Variants in PAQR5 observed in about 807,000 individuals in gnomAD.
PAQR5 encodes the protein progestin and adipoQ receptor family member 5.
A neutral mutation model predicts 34.5 loss-of-function variants in PAQR5; 20 were observed. The observed-to-expected ratio is 0.58, with a 90% CI of 0.41 to 0.84. The LOEUF is 0.84. Among genes scored for constraint, PAQR5 ranks in the 40% least tolerant of loss-of-function variants. The pLI is 0.00. For missense variants in PAQR5, 378 were observed against 412.7 expected (o/e 0.92, Z 0.73); for synonymous variants, 131 against 155.6 (o/e 0.84, Z 1.18).
intron 1 of PAQR5, among the ~76,000 whole-genome samples, chr15:69,314,228 G>A (rs1362488603): frequency 6.6e-6 from 1 of 151,974 alleles, no homozygotes; most frequent in Non-Finnish European, 1.5e-5. Flanking sequence ...AGGAAATTGT[G>A]TGCAGGAGGA....
At chr15:69,372,963 C>T (rs2055604121) in intron 3 of PAQR5, among the ~76,000 whole-genome samples, 1 of 152,166 alleles carries the variant, frequency 6.6e-6, no homozygotes, top group African/African-American at 2.4e-5. Flanking sequence ...ACATGGGTCT[C>T]ACTGGGTAAA....
intron 4 of PAQR5, 26 bp from the exon 5 acceptor site, chr15:69,384,651 G>C: frequency 1.3e-6 from 2 of 1,561,388 alleles, no homozygotes; most frequent in African/African-American, 1.4e-5. Flanking sequence ...TCATGGTGGA[G>C]GGTGAGTGAG....
chr15:69,356,769 A>C (rs2055089377), intron 2 of PAQR5, among the ~76,000 whole-genome samples: 1 of 152,222 alleles, frequency 6.6e-6, no homozygotes, highest in Non-Finnish European at 1.5e-5. Context: ...CACTTCACTT[A>C]GCTTAAGGTC....
intron 2 of PAQR5, among the ~76,000 whole-genome samples, chr15:69,356,363 A>AT (rs1296553855): frequency 1.4e-4 from 22 of 152,130 alleles, no homozygotes; most frequent in Non-Finnish European, 2.5e-4. Flanking sequence ...TCAGTACTGT[A>AT]TTTTTTGCAA....
chr15:69,393,487 A>G (rs892763755), intron 6 of PAQR5, among the ~76,000 whole-genome samples: 7 of 145,868 alleles, frequency 4.8e-5, no homozygotes, highest in African/African-American at 1.8e-4. Flanking sequence ...GTCTTCAATG[A>G]GGGCATCTGA....
At chr15:69,301,002 T>C (rs541525622) in intron 1 of PAQR5, among the ~76,000 whole-genome samples, 8 of 127,504 alleles carry the variant, frequency 6.3e-5, no homozygotes, top group African/African-American at 2.4e-4. Context: ...TTTCTTTCTT[T>C]CTTTCTTTCT....
chr15:69,355,322 TTCTTTCTTTCTTTC>T, intron 2 of PAQR5, among the ~76,000 whole-genome samples: 1 of 45,882 alleles, frequency 2.2e-5, no homozygotes, highest in African/African-American at 1.2e-4. Flanking sequence ...CTTTCTTTCT[TTCTTTCTTTCTTTC>T]TTTCTTTTTT....
intron 1 of PAQR5, among the ~76,000 whole-genome samples, chr15:69,302,407 C>A (rs1472608810): frequency 6.7e-6 from 1 of 150,108 alleles, no homozygotes; most frequent in Non-Finnish European, 1.5e-5. Context: ...CTCCCTCCCT[C>A]CCCATGTAAG....
intron 2 of PAQR5, among the ~76,000 whole-genome samples, chr15:69,344,441 C>T (rs988700823): frequency 6.6e-6 from 1 of 152,170 alleles, no homozygotes; most frequent in African/African-American, 2.4e-5. Context: ...TTAAAAATAA[C>T]CTCAACTGAA....
chr15:69,399,240 TG>T (rs1208854536), intron 7 of PAQR5, among the ~76,000 whole-genome samples: 1 of 152,188 alleles, frequency 6.6e-6, no homozygotes, highest in Admixed American at 6.5e-5. Flanking sequence ...AGTTCCAGTG[TG>T]AATCCACTAA....
chr15:69,357,671 T>C (rs1021199506), intron 2 of PAQR5, among the ~76,000 whole-genome samples: 1 of 152,244 alleles, frequency 6.6e-6, no homozygotes, highest in African/African-American at 2.4e-5. Flanking sequence ...GTATTGTGAA[T>C]AATGCTTCTA....
At chr15:69,323,995 C>T (rs2054188692) in intron 1 of PAQR5, among the ~76,000 whole-genome samples, 1 of 152,182 alleles carries the variant, frequency 6.6e-6, no homozygotes. Flanking sequence ...GTAAGTTACC[C>T]ACCAGTTCTG....
In PAQR5 at chr15:69,349,640, A is replaced by ATT. The variant is rs61085048; in HGVS notation, c.-115-10316_-115-10315dup. 2.9e-4 allele frequency among the ~76,000 whole-genome samples: 43 copies of ATT among 147,340 alleles called. No homozygotes were observed. In the South Asian group the frequency reaches 7.0e-3, roughly 24 times the overall value. ...GTTCGATCTCCCTTAGTTTATTTTT[A>ATT]TTTTTTTTTTTATTTTTTGAGACGG... On this transcript the variant is annotated intron_variant, in intron 2 of 8. Transcript: ENST00000395407.
In PAQR5 at chr15:69,346,234, A is replaced by G. The variant is rs190718833; in HGVS notation, c.-116+8733A>G. Reference sequence around the variant, plus strand: ...ATGCTCAATCATAACTGAAATGATTAAACACATAGGAATCAGTGACCACAC... The same window carrying G: ...ATGCTCAATCATAACTGAAATGATTGAACACATAGGAATCAGTGACCACAC... On this transcript the variant is annotated intron_variant, in intron 2 of 8. Coordinates refer to ENST00000395407, the MANE Select transcript of PAQR5 (RefSeq NM_017705.4). Among the ~76,000 whole-genome samples, 400 of 152,210 alleles carry G rather than the reference A, an allele frequency of 2.6e-3. 1 individual carries two copies. Among genetic ancestry groups the G allele is most frequent in the African/African-American group, 9.0e-3 (375 of 41,528 alleles).
At chr15:69,328,105 T>C (rs2054295653) in intron 1 of PAQR5, among the ~76,000 whole-genome samples, 1 of 152,090 alleles carries the variant, frequency 6.6e-6, no homozygotes, top group African/African-American at 2.4e-5. Flanking sequence ...ATAATGAAAA[T>C]AGATCCAGGT....
intron 1 of PAQR5, among the ~76,000 whole-genome samples, chr15:69,322,790 G>GGAAGAAGAAGAA (rs1368686628): frequency 3.0e-4 from 4 of 13,134 alleles, no homozygotes; most frequent in South Asian, 5.6e-3. Context: ...AAGAAGACGA[G>GGAAGAAGAAGAA]GAAGAAGAAG....
chr15:69,404,417 C>A lies in PAQR5; in HGVS notation c.*595C>A, dbSNP rs1404353926. The A allele has an allele frequency of 6.6e-6, 1 of 152,516 alleles. No individual in the cohort carries two copies. The highest frequency in any genetic ancestry group is 1.5e-5 in the Non-Finnish European group (1 of 68,264). The allele number at this position is 152,516 out of a possible 1,614,324, so 9.4% of individuals were successfully genotyped here. A position where few individuals can be genotyped will look rare whatever the true frequency, so the allele number is the denominator to read the frequency against. On this transcript the variant is annotated 3_prime_UTR_variant, in exon 9 of 9. Transcript: ENST00000395407. ...ACAGAAGGGGAGTCCTCTCTTCCCACAAGTCCATTCTGCCTTCAAAGTGTA... is the reference window on the plus strand; with the variant it reads ...ACAGAAGGGGAGTCCTCTCTTCCCAAAAGTCCATTCTGCCTTCAAAGTGTA...
rs1426371170 is a variant in PAQR5 at position 69,300,627 on chromosome 15, TTC to T, written c.-277+1573_-277+1574del. 6.3e-5 allele frequency among the ~76,000 whole-genome samples: 3 copies of T among 47,858 alleles called. 1 individual carries two copies. The East Asian group carries it at 1.7e-3, about 27-fold the overall frequency. The allele number at this position is 47,858 out of a possible 152,430, so 31.4% of individuals were successfully genotyped here. A position where few individuals can be genotyped will look rare whatever the true frequency, so the allele number is the denominator to read the frequency against. On this transcript the variant is annotated intron_variant, in intron 1 of 8. Transcript: ENST00000395407. ...TTTCTTTCTTTCTTTCTTTCTTTCT[TTC>T]TTTCTTTCTTTCTTTCTTTCTTTTC...
At chr15:69,313,325 C>T (rs1163678270) in intron 1 of PAQR5, among the ~76,000 whole-genome samples, 1 of 151,788 alleles carries the variant, frequency 6.6e-6, no homozygotes, top group African/African-American at 2.4e-5. Flanking sequence ...ATAGTGAGAC[C>T]CCCATTTTTA....
Sources: allele counts gnomAD v4.1 joint callset (sites outside exome capture counted in the v4.1 genomes callset), GRCh38; gene constraint gnomAD v4.1.1; transcripts MANE v1.5; gene names NCBI Gene and HGNC (gene_info 2026-07-23, HGNC 2026-07-21).